EZH1: variants seen among roughly 807,000 people sequenced by gnomAD.
EZH1 encodes enhancer of zeste 1 polycomb repressive complex 2 subunit.
Under a neutral mutation model 100.5 loss-of-function variants are expected in EZH1, and 33 were observed. The ratio of observed to expected loss-of-function variants is 0.33; its 90% CI spans 0.25 to 0.44. EZH1 has a LOEUF of 0.44. Among genes scored for constraint, EZH1 ranks in the 20% least tolerant of loss-of-function variants. The probability of loss-of-function intolerance (pLI) is 1.00; values close to 1 mark genes in which losing one functional copy is unlikely to be tolerated. For synonymous variants in EZH1, 272 were observed against 313.8 expected (o/e 0.87, Z 1.41); for missense variants, 475 against 928.4 (o/e 0.51, Z 6.35).
intron 1 of EZH1, among the ~76,000 whole-genome samples, chr17:42,739,686 C>T (rs1257598981): frequency 6.6e-6 from 1 of 151,726 alleles, no homozygotes; most frequent in Non-Finnish European, 1.5e-5. Flanking sequence ...GAGATCGTGC[C>T]ATTGCACTCC....
chr17:42,741,534 A>C (rs2054176102), intron 1 of EZH1, among the ~76,000 whole-genome samples: 2 of 152,364 alleles, frequency 1.3e-5, no homozygotes, highest in African/African-American at 4.8e-5. Context: ...TTTTAAACTT[A>C]ATCTAAGACC....
intron 11 of EZH1, 140 bp from the exon 12 acceptor site, chr17:42,712,625 A>C: frequency 2.3e-6 from 2 of 879,656 alleles, no homozygotes; most frequent in Non-Finnish European, 3.4e-6. Context: ...TCTTTAGGCC[A>C]GGCATGGTGG....
At position 42,704,627 on chromosome 17, in the gene EZH1, G is replaced by A. The variant is rs1260038243; in HGVS notation, c.1992C>T (p.Ser664=). Residue 664 remains serine (S), a synonymous_variant, in exon 18 of 21, where the codon TCC becomes TCT. Coordinates refer to ENST00000428826, the MANE Select transcript of EZH1 (RefSeq NM_001991.5). ...RRGKVYDKYM[S]SFLFNLNNDF... is the part of the protein sequence containing the mutation. ...CATTATTGAGGTTGAAGAGGAAGCTGGACATGTATTTGTCATAGACCTTTC... is the reference window on the plus strand; with the variant it reads ...CATTATTGAGGTTGAAGAGGAAGCTAGACATGTATTTGTCATAGACCTTTC... 1 of 1,613,854 alleles carries A rather than the reference G, an allele frequency of 6.2e-7. No individual in the cohort carries two copies. Among genetic ancestry groups the A allele is most frequent in the South Asian group, 1.1e-5 (1 of 91,074 alleles).
chr17:42,717,863 G>A lies in EZH1; in HGVS notation c.1023+113C>T, dbSNP rs543373829. On this transcript the variant is annotated intron_variant, in intron 10 of 20. Transcript: ENST00000428826. ...ACAGTAACTGGGGAGCTCCTTAAGA[G>A]CAAAAGCCATGTTTTATTTGTGCTA... 6.7e-4 allele frequency: 621 copies of A among 925,850 alleles called. 5 individuals carry two copies. The highest frequency in any genetic ancestry group is 5.7e-3 in the Middle Eastern group (26 of 4,600). 57.4% of individuals were successfully genotyped at this position (925,850 alleles called of 1,614,324 possible).
At chr17:42,741,275 A>G (rs2054170611) in intron 1 of EZH1, among the ~76,000 whole-genome samples, 1 of 152,218 alleles carries the variant, frequency 6.6e-6, no homozygotes, top group Non-Finnish European at 1.5e-5. Context: ...GCTAGAGTAC[A>G]GTGGTGCCAT....
rs2053244550 is a variant in EZH1 at position 42,701,761 on chromosome 17, T to A, written c.*771A>T. 6.6e-6 allele frequency: 1 copy of A among 152,388 alleles called. No individual in the cohort carries two copies. Among genetic ancestry groups the A allele is most frequent in the East Asian group, 1.9e-4 (1 of 5,336 alleles). The allele number at this position is 152,388 out of a possible 1,614,324, so 9.4% of individuals were successfully genotyped here. On this transcript the variant is annotated 3_prime_UTR_variant, in exon 21 of 21. Transcript: ENST00000428826. ...GAGGAGCTGGAGCACTGGTGTCTGT[T>A]CCCAGGAATCTGAAAACACTTCTCC...
intron 6 of EZH1, among the ~76,000 whole-genome samples, chr17:42,721,449 C>T (rs1032578317): frequency 3.9e-4 from 60 of 152,252 alleles, no homozygotes; most frequent in African/African-American, 1.4e-3. Context: ...GACAGAGAGC[C>T]TCATTGCCAT....
chr17:42,738,313 T>G (rs2054106811), intron 1 of EZH1, among the ~76,000 whole-genome samples: 1 of 152,030 alleles, frequency 6.6e-6, no homozygotes, highest in Admixed American at 6.6e-5. Flanking sequence ...TTCTTTGTCT[T>G]AGGGGCAAAT....
At chr17:42,741,311 C>G (rs951637281) in intron 1 of EZH1, among the ~76,000 whole-genome samples, 1 of 152,186 alleles carries the variant, frequency 6.6e-6, no homozygotes, top group Non-Finnish European at 1.5e-5. Context: ...CCTCCGCCTT[C>G]CAGGTTCAAG....
At chr17:42,707,591 C>T (rs1020318230) in intron 15 of EZH1, among the ~76,000 whole-genome samples, 15 of 152,022 alleles carry the variant, frequency 9.9e-5, no homozygotes, top group African/African-American at 3.4e-4. Context: ...GATGAGGTTT[C>T]GCCAAGTTGG....
rs190687155 is a variant in EZH1 at position 42,720,122 on chromosome 17, C to T, written c.664+151G>A. On this transcript the variant is annotated intron_variant, in intron 7 of 20. Transcript: ENST00000428826. ...TCTTCTTCACCCAAGTCACAGCTAT[C>T]TGAAGCTATCACTTAATGATCATGT... is the stretch of plus-strand genomic sequence containing the variant. 190 of 686,436 alleles carry T rather than the reference C, an allele frequency of 2.8e-4. 1 individual carries two copies. In the Admixed American group the frequency reaches 3.2e-3, roughly 11 times the overall value. The allele number at this position is 686,436 out of a possible 1,614,324, so 42.5% of individuals were successfully genotyped here.
In EZH1 at chr17:42,713,354, G is replaced by C; in HGVS notation, c.1059C>G (p.Pro353=). 2 of 1,610,474 alleles carry C rather than the reference G, an allele frequency of 1.2e-6. No homozygotes were observed. Among genetic ancestry groups the C allele is most frequent in the South Asian group, 1.1e-5 (1 of 91,002 alleles). The change falls in exon 11 of 21, where the codon CCC becomes CCG. Residue 353 remains proline, a synonymous_variant. Transcript: ENST00000428826. ...GAKEYAMLHN[P]RSKCSGRRRR... is the part of the protein sequence containing the mutation. ...GGCGACGACCAGAGCACTTGGAGCG[G>C]GGGTTGTGGAGCATGGCATACTCCT...
At chr17:42,713,715 C>A (rs2053536384) in intron 10 of EZH1, among the ~76,000 whole-genome samples, 1 of 152,182 alleles carries the variant, frequency 6.6e-6, no homozygotes. Flanking sequence ...CTTGCCTCAG[C>A]CTCCCAAGTA....
chr17:42,713,541 A>C, intron 10 of EZH1, 152 bp from the exon 11 acceptor site: 1 of 644,778 alleles, frequency 1.6e-6, no homozygotes, highest in African/African-American at 1.9e-5. Context: ...TCATATAACA[A>C]TGAGAGCTGC....
At chr17:42,721,715 C>T (rs2053709589) in intron 6 of EZH1, among the ~76,000 whole-genome samples, 2 of 151,356 alleles carry the variant, frequency 1.3e-5, no homozygotes, top group African/African-American at 4.9e-5. Flanking sequence ...AAAGAAATAA[C>T]TAGGGTATTT....
chr17:42,719,140 G>C lies in EZH1; in HGVS notation c.732C>G (p.Phe244Leu). Reference sequence around the variant, plus strand: ...TGTCATCTGGGACACCATTCTCAGGGAACATTGAGGCAATTGCACTGAAGA... The same window carrying C: ...TGTCATCTGGGACACCATTCTCAGGCAACATTGAGGCAATTGCACTGAAGA... ...DMIFSAIASM[F>L]PENGVPDDMK... Residue 244 changes from phenylalanine to leucine, a missense_variant, in exon 8 of 21, where the codon TTC becomes TTG. Physicochemically the swap from Phe to Leu is conservative, Grantham distance 22. Transcript: ENST00000428826. 6.2e-7 allele frequency: 1 copy of C among 1,613,964 alleles called. No homozygotes were observed. Among genetic ancestry groups the C allele is most frequent in the Non-Finnish European group, 8.5e-7 (1 of 1,179,922 alleles).
chr17:42,711,302 C>T (rs545821091), intron 12 of EZH1, among the ~76,000 whole-genome samples: 6 of 152,230 alleles, frequency 3.9e-5, no homozygotes, highest in East Asian at 1.9e-4. Flanking sequence ...GGTGAAACCC[C>T]GTCTCTATTA....
At chr17:42,711,334 G>C (rs770536291) in intron 12 of EZH1, among the ~76,000 whole-genome samples, 2 of 152,180 alleles carry the variant, frequency 1.3e-5, no homozygotes, top group African/African-American at 2.4e-5. Flanking sequence ...TTAGCCGGGC[G>C]TGGTGGTGCA....
intron 1 of EZH1, among the ~76,000 whole-genome samples, chr17:42,735,366 G>GT (rs2054046171): frequency 6.7e-6 from 1 of 148,226 alleles, no homozygotes; most frequent in Non-Finnish European, 1.5e-5. Context: ...TCATATCAAA[G>GT]TTAAAAAAAA....
Sources: gnomAD v4.1 joint callset for allele counts (sites outside exome capture counted in the v4.1 genomes callset) on GRCh38, gnomAD v4.1.1 for gene constraint, MANE v1.5 for transcripts, NCBI Gene and HGNC (gene_info 2026-07-23, HGNC 2026-07-21) for gene names.